Variants in TRAPPC13 observed in about 807,000 individuals in gnomAD.
The protein encoded by TRAPPC13 is trafficking protein particle complex subunit 13, also known as REV7-interacting novel NHEJ regulator 1.
Under a neutral mutation model 54.0 loss-of-function variants are expected in TRAPPC13, and 39 were observed. That is an observed-to-expected ratio of 0.72 (90% CI 0.56 to 0.94). The LOEUF is 0.94. TRAPPC13 is among the 40% of genes least tolerant of loss of function. The probability of loss-of-function intolerance (pLI) is 0.00; values close to 1 mark genes in which losing one functional copy is unlikely to be tolerated. For missense variants in TRAPPC13, 386 were observed against 488.1 expected, an observed-to-expected ratio of 0.79 and a Z score of 1.97; for synonymous variants, 148 against 167.7, an observed-to-expected ratio of 0.88 and a Z score of 0.91.
intron 4 of TRAPPC13, among the ~76,000 whole-genome samples, chr5:65,641,579 C>T (rs565982805): frequency 7.2e-5 from 11 of 152,030 alleles, no homozygotes; most frequent in African/African-American, 2.2e-4. Context: ...GCCATGGTGG[C>T]GCATACTTGT....
At chr5:65,664,410 A>G (rs767272858) in intron 12 of TRAPPC13, 26 bp downstream of exon 12, 5 of 1,606,746 alleles carry the variant, frequency 3.1e-6, no homozygotes, top group African/African-American at 1.3e-5. Flanking sequence ...AAAAATTCCA[A>G]TATTTGGGTG....
At chr5:65,660,664 A>C in intron 9 of TRAPPC13, 35 bp from the exon 10 acceptor site, 2 of 1,516,702 alleles carry the variant, frequency 1.3e-6, no homozygotes, top group Non-Finnish European at 1.8e-6. Context: ...AAGATGCTAG[A>C]GAATTTTCTC....
intron 3 of TRAPPC13, 33 bp from the exon 4 acceptor site, chr5:65,637,663 G>A (rs761032891): frequency 7.8e-7 from 1 of 1,276,692 alleles, no homozygotes; most frequent in East Asian, 2.5e-5. Context: ...AACCTGAATG[G>A]ATTTCTGCCT....
chr5:65,662,249 T>G, intron 11 of TRAPPC13, 99 bp downstream of exon 11: 1 of 748,140 alleles, frequency 1.3e-6, no homozygotes, highest in Non-Finnish European at 2.1e-6. Context: ...AGTTTTCCTC[T>G]TGACATACAG....
At chr5:65,633,481 C>T (rs1445902216) in intron 1 of TRAPPC13, among the ~76,000 whole-genome samples, 3 of 151,782 alleles carry the variant, frequency 2.0e-5, no homozygotes, top group Admixed American at 6.6e-5. Flanking sequence ...GGAGTTTCAC[C>T]GTGGTCTCGA....
In TRAPPC13 at chr5:65,644,280, G is replaced by A. The variant is rs575936286; in HGVS notation, c.301-2775G>A. 5.1e-4 allele frequency among the ~76,000 whole-genome samples: 77 copies of A among 152,186 alleles called. No homozygotes were observed. The South Asian group carries it at 0.013, about 26-fold the overall frequency. On this transcript the variant is annotated intron_variant, in intron 4 of 12. Coordinates refer to ENST00000399438, the MANE Select transcript of TRAPPC13 (RefSeq NM_024941.4). Reference sequence around the variant, plus strand: ...CAACCTCCACCTCCTGGTTTCAAGTGATTCTTCTGCCTCAGCCTCCCGAGT... The same window carrying A: ...CAACCTCCACCTCCTGGTTTCAAGTAATTCTTCTGCCTCAGCCTCCCGAGT...
chr5:65,645,048 A>T (rs1756130558), intron 4 of TRAPPC13, among the ~76,000 whole-genome samples: 1 of 151,014 alleles, frequency 6.6e-6, no homozygotes, highest in Non-Finnish European at 1.5e-5. Flanking sequence ...AATACAAAAA[A>T]TTAGCTAGAT....
Position 65,658,616 on chromosome 5 carries a change from G to T in TRAPPC13, c.698+115G>T, listed in dbSNP as rs1183039074. 7.9e-6 allele frequency: 7 copies of T among 886,474 alleles called. No homozygotes were observed. In the East Asian group the frequency reaches 9.6e-5, roughly 12 times the overall value. 54.9% of individuals were successfully genotyped at this position (886,474 alleles called of 1,614,324 possible). A position where few individuals can be genotyped will look rare whatever the true frequency, so the allele number is the denominator to read the frequency against. ...ATAGACTTTTTTTAAAGAATTTGAG[G>T]TTCATAGAAAAATTCATCAGAAAGT... On this transcript the variant is annotated intron_variant, in intron 9 of 12. Coordinates refer to ENST00000399438, the MANE Select transcript of TRAPPC13 (RefSeq NM_024941.4).
At chr5:65,657,308 G>A (rs1366689672) in intron 8 of TRAPPC13, among the ~76,000 whole-genome samples, 1 of 152,100 alleles carries the variant, frequency 6.6e-6, no homozygotes, top group Admixed American at 6.5e-5. Flanking sequence ...CTTGAACCCG[G>A]GAGGCGGAGG....
At chr5:65,664,000 A>C (rs1756933161) in intron 11 of TRAPPC13, 4 of 453,626 alleles carry the variant, frequency 8.8e-6, no homozygotes, top group Non-Finnish European at 1.6e-5. Context: ...CCAGAAGGCC[A>C]ACATCCAGAC....
chr5:65,662,726 G>T (rs981235211), intron 11 of TRAPPC13: 2 of 151,706 alleles, frequency 1.3e-5, no homozygotes, highest in African/African-American at 4.8e-5. Flanking sequence ...TATTATTTGG[G>T]GTATTTTTAT....
At chr5:65,640,084 T>TG (rs1480612441) in intron 4 of TRAPPC13, among the ~76,000 whole-genome samples, 1 of 152,246 alleles carries the variant, frequency 6.6e-6, no homozygotes, top group African/African-American at 2.4e-5. Flanking sequence ...CATATATGGA[T>TG]GGGGTCTCTG....
At chr5:65,629,436 A>G (rs1755422989) in intron 1 of TRAPPC13, 3 of 1,364,478 alleles carry the variant, frequency 2.2e-6, no homozygotes, top group Non-Finnish European at 2.8e-6. Flanking sequence ...TATCCCTACC[A>G]TATCTTATTC....
intron 1 of TRAPPC13, chr5:65,630,299 AATTT>A (rs1755477541): frequency 3.9e-6 from 6 of 1,530,242 alleles, no homozygotes; most frequent in Non-Finnish European, 5.2e-6. Context: ...TGGAAAAATT[AATTT>A]ATTTGTGCAT....
intron 8 of TRAPPC13, among the ~76,000 whole-genome samples, chr5:65,656,901 G>A (rs13190637): frequency 0.035 from 5,246 of 151,466 alleles, 150 homozygotes; most frequent in Middle Eastern, 0.09. Flanking sequence ...GTGAAACTTC[G>A]TCTCAAAATA....
chr5:65,653,583 A>G (rs75134149), intron 7 of TRAPPC13, among the ~76,000 whole-genome samples: 5,041 of 152,314 alleles, frequency 0.033, 280 homozygotes, highest in African/African-American at 0.12. Flanking sequence ...GATGTGCTGC[A>G]AGAGCTCTCG....
At chr5:65,632,377 G>A (rs1457094835) in intron 1 of TRAPPC13, among the ~76,000 whole-genome samples, 1 of 152,108 alleles carries the variant, frequency 6.6e-6, no homozygotes, top group Non-Finnish European at 1.5e-5. Context: ...AAAAATAAGA[G>A]TGAAGGTTGG....
Position 65,647,816 on chromosome 5 carries a change from T to C in TRAPPC13, c.428+634T>C, listed in dbSNP as rs1040421672. Among the ~76,000 whole-genome samples the C allele has an allele frequency of 3.3e-5, 5 of 152,184 alleles. 1 individual carries two copies. In the South Asian group the frequency reaches 1.0e-3, roughly 31 times the overall value. The stretch of plus-strand genomic sequence containing the variant: ...CTGAATATCTTTCATTTATCTCTTC[T>C]TCATCTCTACTTTACCACTTTTGCT... On this transcript the variant is annotated intron_variant, in intron 5 of 12. Transcript: ENST00000399438.
chr5:65,647,378 TC>T (rs1250656729), intron 5 of TRAPPC13, among the ~76,000 whole-genome samples, 196 bp downstream of exon 5: 7 of 152,312 alleles, frequency 4.6e-5, no homozygotes, highest in African/African-American at 1.4e-4. Context: ...CAGTTTATCA[TC>T]ATTTATCTCT....
Sources: gnomAD v4.1 joint callset for allele counts (sites outside exome capture counted in the v4.1 genomes callset) on GRCh38, gnomAD v4.1.1 for gene constraint, MANE v1.5 for transcripts, NCBI Gene and HGNC (gene_info 2026-07-23, HGNC 2026-07-21) for gene names.